DOCK7: variants seen among roughly 807,000 people sequenced by gnomAD.
The protein encoded by DOCK7 is dedicator of cytokinesis 7.
Under a neutral mutation model 271.0 loss-of-function variants are expected in DOCK7, and 138 were observed. The observed-to-expected ratio is 0.51, with a 90% CI of 0.44 to 0.59. The LOEUF is 0.59. DOCK7 is among the 20% of genes least tolerant of loss of function. The pLI is 0.00. For synonymous variants in DOCK7, 823 were observed against 876.1 expected (o/e 0.94, Z 1.07); for missense variants, 2,066 against 2,592.4 (o/e 0.80, Z 4.41).
intron 24 of DOCK7, 143 bp from the exon 25 acceptor site, chr1:62,542,846 C>T: frequency 1.6e-6 from 1 of 610,612 alleles, no homozygotes; most frequent in East Asian, 2.9e-5. Flanking sequence ...ACTGAAGACA[C>T]CCATTAACGA....
At position 62,545,125 on chromosome 1, in the gene DOCK7, T is replaced by C. The variant is rs979100388; in HGVS notation, c.2767-86A>G. The C allele has an allele frequency of 7.9e-6, 10 of 1,263,802 alleles. No individual in the cohort carries two copies. The East Asian group carries it at 2.3e-4, about 30-fold the overall frequency. 78.3% of individuals were successfully genotyped at this position (1,263,802 alleles called of 1,614,324 possible). A position where few individuals can be genotyped will look rare whatever the true frequency, so the allele number is the denominator to read the frequency against. On this transcript the variant is annotated intron_variant, in intron 22 of 49. Coordinates refer to ENST00000635253, the MANE Select transcript of DOCK7 (RefSeq NM_001367561.1). The stretch of plus-strand genomic sequence containing the variant: ...ATTATTCTTAAAGAAATTCAGATCT[T>C]CTAATGCAAACATGTTTTTAATTAG...
At chr1:62,643,410 C>T (rs1308390173) in intron 7 of DOCK7, among the ~76,000 whole-genome samples, 1 of 152,200 alleles carries the variant, frequency 6.6e-6, no homozygotes, top group Non-Finnish European at 1.5e-5. Flanking sequence ...TTGTGGTCAA[C>T]AATTATTTTC....
chr1:62,524,623 C>A (rs931526190), intron 31 of DOCK7, among the ~76,000 whole-genome samples: 1 of 151,886 alleles, frequency 6.6e-6, no homozygotes. Context: ...TTTGGCAGGA[C>A]GTGGTGGCTC....
intron 14 of DOCK7, chr1:62,608,677 T>C (rs1172938352): frequency 6.6e-6 from 1 of 152,202 alleles, no homozygotes; most frequent in African/African-American, 2.4e-5. Context: ...AAAATTTCTA[T>C]ATCAAGAGTT....
intron 1 of DOCK7, among the ~76,000 whole-genome samples, chr1:62,671,829 G>A (rs538363533): frequency 1.3e-5 from 2 of 152,012 alleles, no homozygotes; most frequent in South Asian, 4.1e-4. Flanking sequence ...TATATAATTT[G>A]TTTGCTTATC....
intron 18 of DOCK7, among the ~76,000 whole-genome samples, chr1:62,562,818 G>A (rs1223818881): frequency 6.6e-6 from 1 of 152,014 alleles, no homozygotes; most frequent in Non-Finnish European, 1.5e-5. Context: ...GAGAAACAAA[G>A]CCCCAAGAAA....
intron 15 of DOCK7, chr1:62,584,630 A>C (rs1190851399): frequency 7.6e-7 from 1 of 1,311,588 alleles, no homozygotes; most frequent in African/African-American, 1.5e-5. Flanking sequence ...ACCATTTGAC[A>C]TGTACTTTTA....
At position 62,510,609 on chromosome 1, in the gene DOCK7, A is replaced by G; in HGVS notation, c.4347T>C (p.Thr1449=). The G allele has an allele frequency of 6.2e-7, 1 of 1,613,428 alleles. No homozygotes were observed. The highest frequency in any genetic ancestry group is 8.5e-7 in the Non-Finnish European group (1 of 1,179,616). ...GCTTCTCTGTGTTTTGACGCCAGTG[A>G]GTCATATCTTTCCTCCACCTCAAAT... The part of the protein sequence containing the change: ...QENLRWRKDM[T]HWRQNTEKLD... The change falls in exon 34 of 50, where the codon ACT becomes ACC. Residue 1449 remains threonine, a synonymous_variant. Coordinates refer to ENST00000635253, the MANE Select transcript of DOCK7 (RefSeq NM_001367561.1).
chr1:62,565,899 C>T (rs952227301), intron 18 of DOCK7, among the ~76,000 whole-genome samples: 3 of 152,170 alleles, frequency 2.0e-5, no homozygotes, highest in Middle Eastern at 3.4e-3. Flanking sequence ...ACAAGCATTC[C>T]TATACACCAA....
chr1:62,570,783 C>G (rs1646745839), intron 18 of DOCK7, among the ~76,000 whole-genome samples: 1 of 152,056 alleles, frequency 6.6e-6, no homozygotes. Flanking sequence ...TTCAACAAAC[C>G]TGACAAAAAC....
intron 14 of DOCK7, among the ~76,000 whole-genome samples, chr1:62,599,576 G>A (rs1649808426): frequency 6.6e-6 from 1 of 152,050 alleles, no homozygotes; most frequent in Non-Finnish European, 1.5e-5. Flanking sequence ...TAAAATGTAA[G>A]CTCTGTGAAT....
chr1:62,585,624 C>A (rs1213535554), intron 15 of DOCK7, among the ~76,000 whole-genome samples: 1 of 152,144 alleles, frequency 6.6e-6, no homozygotes, highest in East Asian at 1.9e-4. Context: ...ACTGTCATTA[C>A]TGTTCACAGG....
intron 18 of DOCK7, among the ~76,000 whole-genome samples, chr1:62,564,416 A>G (rs1428053491): frequency 2.6e-5 from 4 of 152,164 alleles, no homozygotes; most frequent in Non-Finnish European, 5.9e-5. Context: ...AACTCACTCA[A>G]CTACATGGAA....
intron 34 of DOCK7, among the ~76,000 whole-genome samples, chr1:62,509,557 G>A (rs953247121): frequency 3.9e-5 from 6 of 151,998 alleles, no homozygotes; most frequent in African/African-American, 1.4e-4. Flanking sequence ...GCTACTCTGT[G>A]ATTTCTAAAA....
At chr1:62,599,397 A>G (rs999637670) in intron 14 of DOCK7, among the ~76,000 whole-genome samples, 3 of 151,962 alleles carry the variant, frequency 2.0e-5, no homozygotes, top group African/African-American at 7.2e-5. Flanking sequence ...TAGGGTCGTT[A>G]TCAAACAAAA....
chr1:62,556,604 C>T (rs1157194141), intron 20 of DOCK7, among the ~76,000 whole-genome samples: 1 of 151,474 alleles, frequency 6.6e-6, no homozygotes, highest in Non-Finnish European at 1.5e-5. Context: ...AATACCTACT[C>T]GGTCACTCAA....
chr1:62,625,233 A>C, intron 12 of DOCK7, 26 bp downstream of exon 12: 2 of 1,608,922 alleles, frequency 1.2e-6, no homozygotes, highest in Non-Finnish European at 8.5e-7. Flanking sequence ...ACATCTCCCC[A>C]AAATTCCTAC....
intron 18 of DOCK7, among the ~76,000 whole-genome samples, chr1:62,570,893 A>G (rs1208167116): frequency 2.6e-5 from 4 of 152,178 alleles, no homozygotes; most frequent in Non-Finnish European, 5.9e-5. Flanking sequence ...TACACCTTAT[A>G]CAAAAATTAA....
At chr1:62,469,906 C>CA (rs35490114) in intron 48 of DOCK7, among the ~76,000 whole-genome samples, 3,364 of 137,718 alleles carry the variant, frequency 0.024, 51 homozygotes, top group South Asian at 0.037. Context: ...ATCAAAAACT[C>CA]AAAAAAAAAA....
Sources: gnomAD v4.1 joint callset for allele counts (sites outside exome capture counted in the v4.1 genomes callset) on GRCh38, gnomAD v4.1.1 for gene constraint, MANE v1.5 for transcripts, NCBI Gene and HGNC (gene_info 2026-07-23, HGNC 2026-07-21) for gene names.